Variants in FYN observed in about 807,000 individuals in gnomAD.
FYN encodes tyrosine-protein kinase Fyn.
Under a neutral mutation model 70.2 loss-of-function variants are expected in FYN, and 10 were observed. That is an observed-to-expected ratio of 0.14 (90% confidence interval 0.09 to 0.24). The LOEUF (loss-of-function observed/expected upper bound fraction) is 0.24, where lower values mean the gene tolerates loss of function less well. FYN is among the 10% of genes least tolerant of loss of function. FYN has a pLI of 1.00. For synonymous variants in FYN, 236 were observed against 248.6 expected, an observed-to-expected ratio of 0.95 and a Z score of 0.48; for missense variants, 319 against 673.1, an observed-to-expected ratio of 0.47 and a Z score of 5.82.
chr6:111,728,409 G>A (rs903565122), intron 3 of FYN, among the ~76,000 whole-genome samples: 3 of 152,146 alleles, frequency 2.0e-5, no homozygotes, highest in African/African-American at 7.2e-5. Flanking sequence ...ATGGTTTTTA[G>A]TACATTTACA....
intron 8 of FYN, among the ~76,000 whole-genome samples, chr6:111,701,990 A>G (rs1034561893): frequency 1.3e-5 from 2 of 152,222 alleles, no homozygotes; most frequent in Non-Finnish European, 2.9e-5. Context: ...GCACAGAGCA[A>G]TAGTAGAGGT....
intron 2 of FYN, chr6:111,793,923 C>T (rs1463995528): frequency 1.3e-5 from 2 of 152,180 alleles, no homozygotes; most frequent in Admixed American, 6.5e-5. Flanking sequence ...ACGCAGGCAC[C>T]GAGATGGACA....
intron 2 of FYN, among the ~76,000 whole-genome samples, chr6:111,840,603 AAAG>A (rs573598555): frequency 3.7e-4 from 56 of 152,350 alleles, no homozygotes; most frequent in African/African-American, 1.2e-3. Context: ...GCAAGCTAAC[AAAG>A]AAGGTTTTCT....
At chr6:111,866,073 G>A (rs1404967725) in intron 1 of FYN, among the ~76,000 whole-genome samples, 2 of 152,144 alleles carry the variant, frequency 1.3e-5, no homozygotes, top group Non-Finnish European at 2.9e-5. Flanking sequence ...CCTAAAGCAT[G>A]TATGTCATAT....
At chr6:111,832,696 A>T (rs79711519) in intron 2 of FYN, among the ~76,000 whole-genome samples, 6,351 of 151,742 alleles carry the variant, frequency 0.042, 267 homozygotes, top group African/African-American at 0.11. Context: ...GGTTTTTTCC[A>T]TTTTTTTTGG....
intron 12 of FYN, among the ~76,000 whole-genome samples, chr6:111,685,023 A>C (rs1030421966): frequency 6.6e-6 from 1 of 151,546 alleles, no homozygotes; most frequent in Non-Finnish European, 1.5e-5. Context: ...AAGAGAAAAC[A>C]AAACAAAACA....
chr6:111,823,398 C>T (rs762066346), intron 2 of FYN, among the ~76,000 whole-genome samples: 37 of 152,150 alleles, frequency 2.4e-4, no homozygotes, highest in Non-Finnish European at 2.9e-5. Context: ...TTCTAAACAC[C>T]GGCTCAAATT....
At chr6:111,805,584 C>G (rs1218284345) in intron 2 of FYN, among the ~76,000 whole-genome samples, 2 of 152,072 alleles carry the variant, frequency 1.3e-5, no homozygotes, top group Non-Finnish European at 2.9e-5. Flanking sequence ...TACACTGGCC[C>G]CCTTTCTGCT....
At chr6:111,799,893 G>A (rs2182643) in intron 2 of FYN, among the ~76,000 whole-genome samples, 45,503 of 152,122 alleles carry the variant, frequency 0.3, 10,786 homozygotes, top group African/African-American at 0.66. Context: ...AGGCAGCCAC[G>A]GGTGACATTT....
chr6:111,853,118 C>G (rs60751946), intron 1 of FYN, among the ~76,000 whole-genome samples: 41,422 of 151,856 alleles, frequency 0.27, 8,188 homozygotes, highest in African/African-American at 0.57. Context: ...AAAAAGTCTT[C>G]ATCTAATGTT....
chr6:111,770,610 T>C (rs978335827), intron 3 of FYN, among the ~76,000 whole-genome samples: 2 of 152,146 alleles, frequency 1.3e-5, no homozygotes, highest in African/African-American at 4.8e-5. Context: ...TTCTTATATA[T>C]CTGTGACTGG....
chr6:111,775,623 G>C (rs1770901775), intron 3 of FYN, among the ~76,000 whole-genome samples: 1 of 152,192 alleles, frequency 6.6e-6, no homozygotes, highest in East Asian at 1.9e-4. Flanking sequence ...AAATGGAACT[G>C]TAAGCCCTGA....
intron 2 of FYN, among the ~76,000 whole-genome samples, chr6:111,804,285 TGGGGGAACTG>T (rs973374873): frequency 1.7e-4 from 26 of 152,242 alleles, no homozygotes; most frequent in East Asian, 9.6e-4. Context: ...TCAGATTTTA[TGGGGGAACTG>T]GGGGGAACTG....
chr6:111,785,742 CAT>C (rs374733956), intron 2 of FYN, among the ~76,000 whole-genome samples: 3,170 of 151,716 alleles, frequency 0.021, 116 homozygotes, highest in African/African-American at 0.074. Context: ...CATATGTACA[CAT>C]GTGTCATGTT....
intron 2 of FYN, among the ~76,000 whole-genome samples, chr6:111,837,563 A>G (rs1773226849): frequency 6.6e-6 from 1 of 152,204 alleles, no homozygotes; most frequent in African/African-American, 2.4e-5. Context: ...ATCCATGGCC[A>G]GTACTGACCA....
intron 1 of FYN, among the ~76,000 whole-genome samples, chr6:111,860,906 A>AGT (rs1773944668): frequency 6.6e-6 from 1 of 152,254 alleles, no homozygotes; most frequent in Admixed American, 6.5e-5. Context: ...CATGAAAAGA[A>AGT]GTGTGAGGTA....
chr6:111,732,485 G>A (rs1801509574), intron 3 of FYN, among the ~76,000 whole-genome samples: 1 of 152,196 alleles, frequency 6.6e-6, no homozygotes, highest in Admixed American at 6.5e-5. Context: ...GCGAGCGGTG[G>A]AGGGTGAAGG....
intron 12 of FYN, among the ~76,000 whole-genome samples, chr6:111,687,464 A>C (rs1303153186): frequency 6.6e-6 from 1 of 152,206 alleles, no homozygotes; most frequent in Non-Finnish European, 1.5e-5. Context: ...CTTAAAAAAC[A>C]AACCAACCAA....
At chr6:111,711,282 AAAC>A (rs1353694966) in intron 5 of FYN, among the ~76,000 whole-genome samples, 1 of 152,174 alleles carries the variant, frequency 6.6e-6, no homozygotes, top group Non-Finnish European at 1.5e-5. Flanking sequence ...AGGAAAAAAA[AAAC>A]AACAAACCTA....
Sources: allele counts gnomAD v4.1 joint callset (sites outside exome capture counted in the v4.1 genomes callset), GRCh38; gene constraint gnomAD v4.1.1; transcripts MANE v1.5; gene names NCBI Gene and HGNC (gene_info 2026-07-23, HGNC 2026-07-21).